The following ALPK3 variants were observed in gnomAD, a reference collection of about 807,000 sequenced individuals.
ALPK3 encodes the protein alpha kinase 3.
In ALPK3, 102 loss-of-function variants were observed where a neutral mutation model predicts 140.0. The ratio of observed to expected loss-of-function variants is 0.73; its 90% CI spans 0.62 to 0.86. The LOEUF (loss-of-function observed/expected upper bound fraction) is 0.86, where lower values mean the gene tolerates loss of function less well. ALPK3 is among the 40% of genes least tolerant of loss of function. ALPK3 has a pLI of 0.00. For missense variants in ALPK3, 2,254 were observed against 2,208.2 expected (o/e 1.02, Z -0.42); for synonymous variants, 938 against 898.5 (o/e 1.04, Z -0.79).
At chr15:84,827,871 T>C (rs1963507130) in intron 3 of ALPK3, among the ~76,000 whole-genome samples, 1 of 152,250 alleles carries the variant, frequency 6.6e-6, no homozygotes, top group East Asian at 1.9e-4. Flanking sequence ...GATACATCCA[T>C]GACTAATGGC....
chr15:84,821,405 C>G (rs758706378), intron 1 of ALPK3, among the ~76,000 whole-genome samples: 1 of 152,220 alleles, frequency 6.6e-6, no homozygotes, highest in Non-Finnish European at 1.5e-5. Flanking sequence ...CTCTCCCCCT[C>G]TCCTTCCCAG....
At position 84,863,645 on chromosome 15, in the gene ALPK3, G is replaced by C. The variant is rs1057523687; in HGVS notation, c.4499+5G>C. 1 of 1,613,662 alleles carries C rather than the reference G, an allele frequency of 6.2e-7. No individual in the cohort carries two copies. On this transcript the variant is annotated splice_donor_5th_base_variant and intron_variant, in intron 11 of 13. Coordinates refer to ENST00000258888, the MANE Select transcript of ALPK3 (RefSeq NM_020778.5). ...TGGCTTTGGGGAGGTGCCTGAGTAA[G>C]TACGCAGCGAGGAGGACGTGCAGTG...
chr15:84,859,650 C>T (rs951250297), intron 7 of ALPK3, 126 bp from the exon 8 acceptor site: 71 of 1,403,060 alleles, frequency 5.1e-5, no homozygotes, highest in South Asian at 7.4e-5. Flanking sequence ...CCTGGAATCG[C>T]GCTGCTTCCC....
Position 84,856,384 on chromosome 15 carries a change from G to A in ALPK3, c.1654-8G>A. 6.3e-7 allele frequency: 1 copy of A among 1,580,752 alleles called. No homozygotes were observed. The highest frequency in any genetic ancestry group is 8.6e-7 in the Non-Finnish European group (1 of 1,166,958). On this transcript the variant is annotated splice_region_variant and splice_polypyrimidine_tract_variant and intron_variant, in intron 5 of 13. Coordinates refer to ENST00000258888, the MANE Select transcript of ALPK3 (RefSeq NM_020778.5). The stretch of plus-strand genomic sequence containing the variant: ...GTTAAATCCTTGCTTTTGTCCCTCT[G>A]TTTTCAGGTCCTGGAATGCCAGACA...
At position 84,839,822 on chromosome 15, in the gene ALPK3, G is replaced by C; in HGVS notation, c.543G>C (p.Trp181Cys). 1 of 1,614,148 alleles carries C rather than the reference G, an allele frequency of 6.2e-7. No homozygotes were observed. Among genetic ancestry groups the C allele is most frequent in the Non-Finnish European group, 8.5e-7 (1 of 1,180,046 alleles). Residue 181 changes from tryptophan to cysteine, a missense_variant, in exon 5 of 14, where the codon TGG (tryptophan) becomes TGC (cysteine). Physicochemically the swap from Trp to Cys is radical, Grantham distance 215. Coordinates refer to ENST00000258888, the MANE Select transcript of ALPK3 (RefSeq NM_020778.5). ...CTGAGTACAAGATCCACCAGCGCTG[G>C]TTCGCCAAGTTGAAGCGCAAGGCTG... ...TMTEYKIHQR[W>C]FAKLKRKAAA...
rs769587275 is a variant in ALPK3 at position 84,840,871 on chromosome 15, G to A, written c.1592G>A (p.Arg531Gln). Residue 531 changes from arginine (R) to glutamine (Q), a missense_variant, in exon 5 of 14, where the codon CGG becomes CAG. Physicochemically the swap from Arg to Gln is conservative, Grantham distance 43 (BLOSUM62 1). This residue lies in a region of ALPK3 where 2,088 missense variants were observed against 2,022.9 expected (regional missense o/e 1.03). Coordinates refer to ENST00000258888, the MANE Select transcript of ALPK3 (RefSeq NM_020778.5). ...CAGGTGCCGACGCCCCCTGCCCGGC[G>A]GAGACATGGCACCCGGGACAGCACG... ...SVQVPTPPAR[R>Q]RHGTRDSTLQ... 3 of 1,613,744 alleles carry A rather than the reference G, an allele frequency of 1.9e-6. No individual in the cohort carries two copies. The highest frequency in any genetic ancestry group is 2.7e-5 in the African/African-American group (2 of 74,936).
intron 6 of ALPK3, among the ~76,000 whole-genome samples, 195 bp from the exon 7 acceptor site, chr15:84,859,048 T>C (rs570434785): frequency 6.6e-6 from 1 of 152,252 alleles, no homozygotes; most frequent in East Asian, 1.9e-4. Flanking sequence ...TCTCTCTAGC[T>C]GAGATGTGTG....
chr15:84,839,642 G>T lies in ALPK3; in HGVS notation c.423-60G>T, dbSNP rs1963632944. 4 of 1,528,814 alleles carry T rather than the reference G, an allele frequency of 2.6e-6. No homozygotes were observed. The South Asian group carries it at 5.1e-5, about 19-fold the overall frequency. The allele number at this position is 1,528,814 out of a possible 1,614,324, so 94.7% of individuals were successfully genotyped here. ...CGGCTCTGAACGGCTCTGGCTGGGG[G>T]GTGTGGGGGCTCTCACCTCCCAGGA... On this transcript the variant is annotated intron_variant, in intron 4 of 13. Transcript: ENST00000258888.
intron 11 of ALPK3, among the ~76,000 whole-genome samples, chr15:84,863,905 G>A (rs943187923): frequency 6.6e-6 from 1 of 152,210 alleles, no homozygotes; most frequent in East Asian, 1.9e-4. Flanking sequence ...GCTGATTGCA[G>A]AGTTTGGACA....
In ALPK3 at chr15:84,840,912, G is replaced by A. The variant is rs755590047; in HGVS notation, c.1633G>A (p.Gly545Ser). 127 of 1,604,518 alleles carry A rather than the reference G, an allele frequency of 7.9e-5. No homozygotes were observed. In the East Asian group the frequency reaches 2.8e-3, roughly 35 times the overall value. Residue 545 changes from glycine to serine, a missense_variant, in exon 5 of 14, where the codon GGC becomes AGC. By Grantham distance (56) the Gly-to-Ser change is moderately conservative. Transcript: ENST00000258888. ...GGACAGCACGTTGCAGGGGCAAGCA[G>A]GCCACAGGACTCCAGGAGAGGTAAG... ...TRDSTLQGQA[G>S]HRTPGEVLEC...
At chr15:84,853,098 G>C (rs1467858616) in intron 5 of ALPK3, among the ~76,000 whole-genome samples, 1 of 152,210 alleles carries the variant, frequency 6.6e-6, no homozygotes, top group Non-Finnish European at 1.5e-5. Context: ...AGAAGTTCTA[G>C]TTCCGTGAGT....
At chr15:84,836,186 C>T (rs967016161) in intron 3 of ALPK3, among the ~76,000 whole-genome samples, 2 of 152,146 alleles carry the variant, frequency 1.3e-5, no homozygotes, top group Non-Finnish European at 2.9e-5. Flanking sequence ...GGCAAGCCAG[C>T]AGGACCACAT....
chr15:84,817,613 G>A lies in ALPK3; in HGVS notation c.143+18G>A, dbSNP rs1188549527. On this transcript the variant is annotated intron_variant, in intron 1 of 13. Coordinates refer to ENST00000258888, the MANE Select transcript of ALPK3 (RefSeq NM_020778.5). ...GAGACCAGGTAAGTGGCACCAAGGG[G>A]CAGGGCGGCGTCGGGCCGGCGATGC... The A allele has an allele frequency of 2.0e-6, 3 of 1,485,710 alleles. No individual in the cohort carries two copies. The highest frequency in any genetic ancestry group is 1.5e-5 in the African/African-American group (1 of 68,436). The allele number at this position is 1,485,710 out of a possible 1,614,324, so 92.0% of individuals were successfully genotyped here.
intron 13 of ALPK3, 96 bp downstream of exon 13, chr15:84,867,461 C>A (rs1596159263): frequency 2.1e-6 from 3 of 1,456,458 alleles, no homozygotes; most frequent in African/African-American, 1.4e-5. Context: ...AGGTGCTGGG[C>A]CTGGGGCCAA....
chr15:84,872,172 C>G lies in ALPK3; in HGVS notation c.*3716C>G, dbSNP rs189909532. 3.7e-4 allele frequency: 56 copies of G among 152,398 alleles called. No homozygotes were observed. Among genetic ancestry groups the G allele is most frequent in the African/African-American group, 1.3e-3 (54 of 41,578 alleles). The allele number at this position is 152,398 out of a possible 1,614,324, so 9.4% of individuals were successfully genotyped here. On this transcript the variant is annotated 3_prime_UTR_variant, in exon 14 of 14. Transcript: ENST00000258888. ...GATAACACTACGAGGGGCAGCATGG[C>G]CACCAAGTGTGCCAGGGCCAAGTGT...
At chr15:84,820,931 C>T (rs1963414971) in intron 1 of ALPK3, among the ~76,000 whole-genome samples, 1 of 152,250 alleles carries the variant, frequency 6.6e-6, no homozygotes, top group Admixed American at 6.5e-5. Flanking sequence ...GTCCTAACTT[C>T]ACTCCTTTAT....
rs1964031522 is a variant in ALPK3 at position 84,868,561 on chromosome 15, G to C, written c.*105G>C. The C allele has an allele frequency of 2.0e-5, 23 of 1,139,436 alleles. No homozygotes were observed. The South Asian group carries it at 3.7e-4, about 18-fold the overall frequency. The allele number at this position is 1,139,436 out of a possible 1,614,324, so 70.6% of individuals were successfully genotyped here. A position where few individuals can be genotyped will look rare whatever the true frequency, so the allele number is the denominator to read the frequency against. The stretch of plus-strand genomic sequence containing the variant: ...ATGGAACTAACTGGAGAAGGTGCAC[G>C]AAGGAGACACCACTTGGGGACCTCT... On this transcript the variant is annotated 3_prime_UTR_variant, in exon 14 of 14. Transcript: ENST00000258888.
intron 5 of ALPK3, 66 bp downstream of exon 5, chr15:84,840,998 CA>C: frequency 6.7e-7 from 1 of 1,483,280 alleles, no homozygotes; most frequent in Non-Finnish European, 8.9e-7. Context: ...ACTCTTGCTG[CA>C]ACTGCTGGGC....
intron 3 of ALPK3, among the ~76,000 whole-genome samples, chr15:84,829,575 G>A (rs1190274361): frequency 6.6e-6 from 1 of 152,178 alleles, no homozygotes; most frequent in Non-Finnish European, 1.5e-5. Flanking sequence ...GTAGGAAGCG[G>A]TGTTGCTCCT....
Sources: gnomAD v4.1 joint callset for allele counts (sites outside exome capture counted in the v4.1 genomes callset) on GRCh38, gnomAD v4.1.1 for gene constraint, gnomAD v4.1.1 regional missense constraint, MANE v1.5 for transcripts, NCBI Gene and HGNC (gene_info 2026-07-23, HGNC 2026-07-21) for gene names.